KIF26A: variants seen among roughly 807,000 people sequenced by gnomAD.
KIF26A encodes the protein kinesin family member 26A, also known as kinesin-like protein KIF26A.
KIF26A carries 74 observed loss-of-function variants against 126.0 expected under a neutral mutation model. The observed-to-expected ratio is 0.59, with a 90% CI of 0.49 to 0.71. The LOEUF (loss-of-function observed/expected upper bound fraction) is 0.71. Among genes scored for constraint, KIF26A ranks in the 30% least tolerant of loss-of-function variants. KIF26A has a pLI of 0.00. For missense variants in KIF26A, 2,984 were observed against 2,763.3 expected (o/e 1.08, Z -1.79); for synonymous variants, 1,445 against 1,232.7 (o/e 1.17, Z -3.61).
chr14:104,167,695 C>A (rs2037920094), intron 5 of KIF26A, among the ~76,000 whole-genome samples: 1 of 152,192 alleles, frequency 6.6e-6, no homozygotes, highest in African/African-American at 2.4e-5. Context: ...GCTGGCAGTG[C>A]CTGGTTCGTG....
chr14:104,175,159 A>G lies in KIF26A; in HGVS notation c.2371A>G (p.Ile791Val), dbSNP rs374196860. The G allele has an allele frequency of 6.8e-6, 11 of 1,607,686 alleles. No individual in the cohort carries two copies. In the African/African-American group the frequency reaches 1.5e-4, roughly 21 times the overall value. ...SSSEQSCDTV[I>V]YVGPGGAALS... is the part of the protein sequence containing the mutation. ...CAGCGAGCAGTCCTGTGACACGGTC[A>G]TCTACGTGGGGCCCGGTGGGGCGGC... The change falls in exon 12 of 15, where the codon ATC (isoleucine) becomes GTC (valine). Residue 791 changes from isoleucine (I) to valine (V), a missense_variant. Transcript: ENST00000423312.
Position 104,151,644 on chromosome 14 carries a change from C to T in KIF26A, c.289-371C>T, listed in dbSNP as rs550530867. ...GGAGGCCCTCGTGGCTCTGAAGAGA[C>T]GTTGCTTTTAAGGGGCCCTGCTTCT... On this transcript the variant is annotated intron_variant, in intron 2 of 14. Coordinates refer to ENST00000423312, the MANE Select transcript of KIF26A (RefSeq NM_015656.2). This position sits in a 1 kb window ranked among gnomAD's most constrained non-coding sequence, Gnocchi z 4.9. Among the ~76,000 whole-genome samples, 1 of 152,194 alleles carries T rather than the reference C, an allele frequency of 6.6e-6. No individual in the cohort carries two copies. The highest frequency in any genetic ancestry group is 1.9e-4 in the East Asian group (1 of 5,184).
At chr14:104,169,609 G>T (rs748573544) in intron 5 of KIF26A, among the ~76,000 whole-genome samples, 10 of 152,236 alleles carry the variant, frequency 6.6e-5, no homozygotes, top group Non-Finnish European at 1.3e-4. Context: ...CGCCTGAAAG[G>T]CGTTTAATAT....
rs772691986 is a variant in KIF26A, at chr14:104,177,157, C to T, written c.4369C>T (p.Arg1457Trp). The T allele has an allele frequency of 1.1e-5, 17 of 1,597,532 alleles. No homozygotes were observed. Among genetic ancestry groups the T allele is most frequent in the South Asian group, 3.3e-5 (3 of 90,920 alleles). The change falls in exon 12 of 15, where the codon CGG becomes TGG. Residue 1457 changes from arginine to tryptophan, a missense_variant. By Grantham distance (101) the Arg-to-Trp change is moderately radical. Transcript: ENST00000423312. ...CAGCAAGGGCCGGGAAGCCCCTGGG[C>T]GGCCTCCCCGGGCTGTACCCAAGCT... ...SSSKGREAPGRPPRAVPKLGV... is the reference protein window; with the variant it reads ...SSSKGREAPGWPPRAVPKLGV...
At position 104,175,030 on chromosome 14, in the gene KIF26A, G is replaced by T. The variant is rs760143801; in HGVS notation, c.2242G>T (p.Ala748Ser). Residue 748 changes from alanine (A) to serine (S), a missense_variant, in exon 12 of 15, where the codon GCC becomes TCC. Transcript: ENST00000423312. ...GGESSCEEGR[A>S]RRPPHLRPFH... ...GGAGAGCTCCTGTGAGGAAGGCCGG[G>T]CCCGTCGGCCCCCGCACCTGCGGCC... The T allele has an allele frequency of 1.3e-6, 2 of 1,562,060 alleles. No individual in the cohort carries two copies. The highest frequency in any genetic ancestry group is 1.7e-6 in the Non-Finnish European group (2 of 1,157,274).
At chr14:104,171,538 T>C (rs941563351) in intron 5 of KIF26A, among the ~76,000 whole-genome samples, 185 bp from the exon 6 acceptor site, 2 of 152,212 alleles carry the variant, frequency 1.3e-5, no homozygotes, top group East Asian at 3.9e-4. Flanking sequence ...TTCTCCCTGC[T>C]CTGCTGACCT....
intron 2 of KIF26A, among the ~76,000 whole-genome samples, chr14:104,147,546 A>G: frequency 6.6e-6 from 1 of 152,082 alleles, no homozygotes. Context: ...GCTGGGCAGG[A>G]GGGGCACCGG....
intron 14 of KIF26A, 27 bp downstream of exon 14, chr14:104,179,413 G>T (rs1319707394): frequency 1.4e-6 from 2 of 1,473,564 alleles, no homozygotes; most frequent in African/African-American, 1.4e-5. Context: ...CACGGACCCA[G>T]CCCGGCCCAC....
intron 2 of KIF26A, among the ~76,000 whole-genome samples, chr14:104,147,300 C>A (rs2037689090): frequency 1.3e-5 from 2 of 152,342 alleles, no homozygotes; most frequent in South Asian, 4.1e-4. Flanking sequence ...ATGAGGGTCT[C>A]AATGAGCTTG....
At position 104,175,546 on chromosome 14, in the gene KIF26A, T is replaced by G; in HGVS notation, c.2758T>G (p.Trp920Gly). The G allele has an allele frequency of 6.2e-7, 1 of 1,603,664 alleles. No individual in the cohort carries two copies. Among genetic ancestry groups the G allele is most frequent in the Non-Finnish European group, 8.5e-7 (1 of 1,179,070 alleles). The change falls in exon 12 of 15, where the codon TGG (tryptophan) becomes GGG (glycine). Residue 920 changes from tryptophan to glycine, a missense_variant. Transcript: ENST00000423312. ...GTPEPCKAIVWGDQREDSSAW... is the reference protein window; with the variant it reads ...GTPEPCKAIVGGDQREDSSAW... ...CCCTGAGCCCTGCAAGGCCATTGTC[T>G]GGGGTGACCAGAGAGAGGACAGCAG...
At position 104,152,324 on chromosome 14, in the gene KIF26A, G is replaced by A. The variant is rs754099913; in HGVS notation, c.598G>A (p.Gly200Arg). ...DRTKGLAWSP[G>R]PSVQVSVAPA... is the part of the protein sequence containing the mutation. ...GACCAAGGGGCTGGCCTGGTCCCCC[G>A]GGCCCAGTGTCCAGGTGTCTGTAGC... The change falls in exon 3 of 15, where the codon GGG (glycine) becomes AGG (arginine). Residue 200 changes from glycine (G) to arginine (R), a missense_variant. By Grantham distance (125) the Gly-to-Arg change is moderately radical (BLOSUM62 -2). Coordinates refer to ENST00000423312, the MANE Select transcript of KIF26A (RefSeq NM_015656.2). This position sits in a 1 kb window ranked among gnomAD's most constrained non-coding sequence, Gnocchi z 5.9. The A allele has an allele frequency of 1.1e-5, 18 of 1,579,978 alleles. No homozygotes were observed. The Middle Eastern group carries it at 5.0e-4, about 44-fold the overall frequency.
rs556341447 is a variant in KIF26A at position 104,180,425 on chromosome 14, G to C, written c.*635G>C. The stretch of plus-strand genomic sequence containing the variant: ...TAACAAGGGCTGAGCCCCAGGTACA[G>C]GTTGCCTCTTCCACGGCAGGAATTT... On this transcript the variant is annotated 3_prime_UTR_variant, in exon 15 of 15. Coordinates refer to ENST00000423312, the MANE Select transcript of KIF26A (RefSeq NM_015656.2). 1.3e-5 allele frequency: 2 copies of C among 152,292 alleles called. No homozygotes were observed. The highest frequency in any genetic ancestry group is 1.3e-4 in the Admixed American group (2 of 15,308). The allele number at this position is 152,292 out of a possible 1,614,324, so 9.4% of individuals were successfully genotyped here.
At position 104,179,349 on chromosome 14, in the gene KIF26A, C is replaced by T; in HGVS notation, c.5430C>T (p.Gly1810=). The T allele has an allele frequency of 6.5e-7, 1 of 1,538,450 alleles. No homozygotes were observed. Among genetic ancestry groups the T allele is most frequent in the South Asian group, 1.2e-5 (1 of 83,416 alleles). The stretch of plus-strand genomic sequence containing the variant: ...GTGAGGAGCTGGCCGAGACCCAGGG[C>T]CGGCTGATGCTGGAGCCTGGCCGCT... ...HLCEELAETQ[G]RLMLEPGRWL... The change falls in exon 14 of 15, where the codon GGC becomes GGT. Residue 1810 remains glycine (G), a synonymous_variant. Transcript: ENST00000423312.
At chr14:104,146,457 T>C (rs1334199160) in intron 2 of KIF26A, among the ~76,000 whole-genome samples, 1 of 151,980 alleles carries the variant, frequency 6.6e-6, no homozygotes, top group Non-Finnish European at 1.5e-5. Context: ...AGGTCTGAAC[T>C]CATCCCTGTG....
At chr14:104,157,722 C>T (rs767255463) in intron 3 of KIF26A, 33 bp from the exon 4 acceptor site, 44 of 1,595,966 alleles carry the variant, frequency 2.8e-5, no homozygotes, top group Middle Eastern at 1.7e-4. Context: ...TCTGCCCTTG[C>T]GTTCCTTATA....
rs140610303 is a variant in KIF26A at position 104,178,677 on chromosome 14, C to G, written c.5238C>G (p.Phe1746Leu). Residue 1746 changes from phenylalanine to leucine, a missense_variant, in exon 13 of 15, where the codon TTC becomes TTG. Transcript: ENST00000423312. ...PPLAGSLKEP[F>L]EIKVYEIDDV... ...TGGCTGGCTCCCTGAAGGAGCCGTTCGAGATCAAGGTGTACGAGATCGATG... is the reference window on the plus strand; with the variant it reads ...TGGCTGGCTCCCTGAAGGAGCCGTTGGAGATCAAGGTGTACGAGATCGATG... 1.7e-5 allele frequency: 27 copies of G among 1,561,838 alleles called. No individual in the cohort carries two copies. Among genetic ancestry groups the G allele is most frequent in the Admixed American group, 1.9e-5 (1 of 53,000 alleles).
At position 104,154,763 on chromosome 14, in the gene KIF26A, A is replaced by G. The variant is rs771451931; in HGVS notation, c.735+2302A>G. On this transcript the variant is annotated intron_variant, in intron 3 of 14. Coordinates refer to ENST00000423312, the MANE Select transcript of KIF26A (RefSeq NM_015656.2). ...CGAGGCTCTGGCCTTCAGAGCCCAC[A>G]GTGGGTTGCAAGTGGCACCGTGGCC... 2.0e-5 allele frequency among the ~76,000 whole-genome samples: 3 copies of G among 152,170 alleles called. No individual in the cohort carries two copies. The South Asian group carries it at 6.2e-4, about 31-fold the overall frequency.
chr14:104,161,395 G>A (rs12887765), intron 4 of KIF26A, among the ~76,000 whole-genome samples: 17,504 of 152,204 alleles, frequency 0.12, 1,316 homozygotes, highest in South Asian at 0.24. Context: ...TCCTGCACGC[G>A]ACAGAACAGG....
chr14:104,145,706 C>T (rs927088645), intron 2 of KIF26A, among the ~76,000 whole-genome samples: 1 of 152,192 alleles, frequency 6.6e-6, no homozygotes, highest in African/African-American at 2.4e-5. Flanking sequence ...CTCATAGCTT[C>T]GGTTCACGGC....
Sources: allele counts gnomAD v4.1 joint callset (sites outside exome capture counted in the v4.1 genomes callset), GRCh38; gene constraint gnomAD v4.1.1; non-coding constraint Gnocchi (gnomAD v3.1); transcripts MANE v1.5; gene names NCBI Gene and HGNC (gene_info 2026-07-23, HGNC 2026-07-21).